The following LMF1 variants were observed in gnomAD, a reference collection of about 807,000 sequenced individuals.
LMF1 encodes lipase maturation factor 1.
A neutral mutation model predicts 60.6 loss-of-function variants in LMF1; 68 were observed. The ratio of observed to expected loss-of-function variants is 1.12; its 90% confidence interval spans 0.92 to 1.37. The LOEUF (loss-of-function observed/expected upper bound fraction) is 1.37. LMF1 is among the 40% of genes most tolerant of loss of function. LMF1 has a pLI of 0.00. For synonymous variants in LMF1, 418 were observed against 324.7 expected (o/e 1.29, Z -3.09); for missense variants, 948 against 767.2 (o/e 1.24, Z -2.78).
intron 5 of LMF1, among the ~76,000 whole-genome samples, chr16:890,187 C>G (rs559424215): frequency 6.6e-6 from 1 of 152,332 alleles, no homozygotes; most frequent in Admixed American, 6.5e-5. Flanking sequence ...CACAGTGAAC[C>G]GCAAAGAGCC....
At chr16:911,217 G>A (rs1032966930) in intron 3 of LMF1, 138 bp from the exon 4 acceptor site, 13 of 994,792 alleles carry the variant, frequency 1.3e-5, no homozygotes, top group East Asian at 2.6e-5. Flanking sequence ...CAGCCCGCAC[G>A]TATTAGTCTC....
rs1567315955 is a variant in LMF1, at chr16:954,889, G to GCACACA, written c.194-224_194-223insTGTGTG. On this transcript the variant is annotated intron_variant, in intron 1 of 10. Transcript: ENST00000262301. ...CAGCAGACGCGGTGTGTGCATACAC[G>GCACACA]CATACACATCTAAGTGAACTAGACA... is the stretch of plus-strand genomic sequence containing the variant. 8.6e-5 allele frequency among the ~76,000 whole-genome samples: 10 copies of GCACACA among 116,958 alleles called. 2 individuals are homozygous for GCACACA. The highest frequency in any genetic ancestry group is 3.0e-4 in the South Asian group (1 of 3,314). The allele number at this position is 116,958 out of a possible 152,430, so 76.7% of individuals were successfully genotyped here.
intron 3 of LMF1, among the ~76,000 whole-genome samples, chr16:931,025 G>A (rs1193526045): frequency 6.6e-6 from 1 of 152,104 alleles, no homozygotes; most frequent in African/African-American, 2.4e-5. Context: ...GGAGGCTGAG[G>A]CAGGAGAATC....
intron 10 of LMF1, 65 bp downstream of exon 10, chr16:868,879 T>C: frequency 9.7e-7 from 1 of 1,028,370 alleles, no homozygotes; most frequent in African/African-American, 1.6e-5. Flanking sequence ...GTACAGGTGG[T>C]GGGATCCCAG....
intron 3 of LMF1, among the ~76,000 whole-genome samples, chr16:932,088 G>A (rs1324594551): frequency 6.6e-6 from 1 of 152,300 alleles, no homozygotes; most frequent in South Asian, 2.1e-4. Context: ...TTGGGGACGC[G>A]GGAGGCTGGC....
At chr16:861,971 A>C (rs1489155995) in intron 10 of LMF1, among the ~76,000 whole-genome samples, 1 of 152,130 alleles carries the variant, frequency 6.6e-6, no homozygotes, top group Non-Finnish European at 1.5e-5. Flanking sequence ...TGTTTTTCCA[A>C]GTTTAAATCA....
At chr16:913,015 C>T (rs568128679) in intron 3 of LMF1, among the ~76,000 whole-genome samples, 7 of 152,200 alleles carry the variant, frequency 4.6e-5, no homozygotes, top group Admixed American at 2.0e-4. Context: ...GGCGGCAACA[C>T]GCAGGGCCAC....
rs143522173 is a variant in LMF1, at chr16:889,210, G to A, written c.729+3797C>T. ...GAGTTTCAGGCAGAGCCACCCGGTC[G>A]CCTTTCACCCTCCAGGGGGCTGGCC... On this transcript the variant is annotated intron_variant, in intron 5 of 10. Transcript: ENST00000262301. Among the ~76,000 whole-genome samples, 820 of 152,352 alleles carry A rather than the reference G, an allele frequency of 5.4e-3. 3 individuals carry two copies. The highest frequency in any genetic ancestry group is 0.016 in the African/African-American group (646 of 41,582).
chr16:978,069 GCA>G (rs2073215374), intron 1 of LMF1, among the ~76,000 whole-genome samples: 1 of 111,458 alleles, frequency 9.0e-6, no homozygotes, highest in African/African-American at 3.8e-5. Flanking sequence ...CCCACACCCT[GCA>G]CACATACACC....
At chr16:957,261 C>G (rs569942747) in intron 1 of LMF1, among the ~76,000 whole-genome samples, 11 of 152,178 alleles carry the variant, frequency 7.2e-5, no homozygotes, top group Non-Finnish European at 1.5e-4. Flanking sequence ...CTTCCTACTG[C>G]GTGTAGGAAT....
chr16:893,074 T>C lies in LMF1; in HGVS notation c.664-2A>G. On this transcript the variant is annotated splice_acceptor_variant, in intron 4 of 10. Coordinates refer to ENST00000262301, the MANE Select transcript of LMF1 (RefSeq NM_022773.4). LOFTEE classifies it high-confidence loss of function. ...GTCCCCCCGGATCTTGATCAGGCCC[T>C]GCAAGGAAGAGAGCAGAGGGAGAGT... 6.4e-7 allele frequency: 1 copy of C among 1,553,622 alleles called. No individual in the cohort carries two copies. The highest frequency in any genetic ancestry group is 1.9e-5 in the Admixed American group (1 of 51,364).
At chr16:911,199 A>G (rs1385606431) in intron 3 of LMF1, 120 bp from the exon 4 acceptor site, 3 of 1,138,050 alleles carry the variant, frequency 2.6e-6, no homozygotes, top group Non-Finnish European at 2.6e-6. Context: ...CTTGCTACTG[A>G]GAGACACCAG....
intron 3 of LMF1, among the ~76,000 whole-genome samples, chr16:928,086 G>A (rs1055368318): frequency 6.6e-6 from 1 of 152,226 alleles, no homozygotes; most frequent in Non-Finnish European, 1.5e-5. Context: ...AACCTGGGCC[G>A]CGGCCCCACA....
intron 4 of LMF1, among the ~76,000 whole-genome samples, chr16:909,803 G>A (rs1033243819): frequency 1.3e-5 from 2 of 152,182 alleles, no homozygotes; most frequent in Non-Finnish European, 2.9e-5. Flanking sequence ...ACACAGGCAC[G>A]GCAGCCACGC....
chr16:951,409 T>A lies in LMF1; in HGVS notation c.503+2948A>T, dbSNP rs1294286236. Among the ~76,000 whole-genome samples, 15 of 152,352 alleles carry A rather than the reference T, an allele frequency of 9.8e-5. 1 individual carries two copies. The highest frequency in any genetic ancestry group is 3.6e-4 in the African/African-American group (15 of 41,580). Reference sequence around the variant, plus strand: ...CTGGAAAAGCTGAAGCGACTTCAGATACTATAGCAGATGCTGTGCTCAGGG... The same window carrying A: ...CTGGAAAAGCTGAAGCGACTTCAGAAACTATAGCAGATGCTGTGCTCAGGG... On this transcript the variant is annotated intron_variant, in intron 2 of 10. Coordinates refer to ENST00000262301, the MANE Select transcript of LMF1 (RefSeq NM_022773.4).
intron 3 of LMF1, among the ~76,000 whole-genome samples, chr16:914,604 A>T (rs372429634): frequency 5.6e-4 from 1 of 1,772 alleles, no homozygotes. Flanking sequence ...CTGGTGACAC[A>T]CTCCCTCCCT....
At position 853,823 on chromosome 16, in the gene LMF1, T is replaced by C; in HGVS notation, c.*709A>G. 2.2e-6 allele frequency: 1 copy of C among 454,094 alleles called. No individual in the cohort carries two copies. Among genetic ancestry groups the C allele is most frequent in the South Asian group, 1.6e-5 (1 of 64,476 alleles). The allele number at this position is 454,094 out of a possible 1,614,324, so 28.1% of individuals were successfully genotyped here. ...CCTCAGAGGCAGCGAGGTCACAGCC[T>C]GGTGGAGGGTCTGGGTGTGCGCTGT... On this transcript the variant is annotated 3_prime_UTR_variant, in exon 11 of 11. Transcript: ENST00000262301.
chr16:889,852 G>A (rs2070426432), intron 5 of LMF1, among the ~76,000 whole-genome samples: 1 of 152,152 alleles, frequency 6.6e-6, no homozygotes, highest in Non-Finnish European at 1.5e-5. Context: ...ACACACGGGA[G>A]GGAGCATCCT....
In LMF1 at chr16:954,785, G is replaced by A. The variant is rs186958044; in HGVS notation, c.194-119C>T. ...GAAGGGGAGGCAGAGTCTGGCTGAC[G>A]GTTTGGGGCCAAACCCTAGACTCAG... On this transcript the variant is annotated intron_variant, in intron 1 of 10. Coordinates refer to ENST00000262301, the MANE Select transcript of LMF1 (RefSeq NM_022773.4). 4.2e-4 allele frequency: 388 copies of A among 914,026 alleles called. 2 individuals are homozygous for A. The African/African-American group carries it at 5.1e-3, about 12-fold the overall frequency. The allele number at this position is 914,026 out of a possible 1,614,324, so 56.6% of individuals were successfully genotyped here.
Sources: allele counts gnomAD v4.1 joint callset (sites outside exome capture counted in the v4.1 genomes callset), GRCh38; gene constraint gnomAD v4.1.1; transcripts MANE v1.5; gene names NCBI Gene and HGNC (gene_info 2026-07-23, HGNC 2026-07-21).